Variants in USP24 observed in about 807,000 individuals in gnomAD.
USP24 encodes the protein ubiquitin carboxyl-terminal hydrolase 24.
Under a neutral mutation model 361.6 loss-of-function variants are expected in USP24, and 97 were observed. The observed-to-expected ratio is 0.27, with a 90% CI of 0.23 to 0.32. The LOEUF (loss-of-function observed/expected upper bound fraction) is 0.32, where lower values mean the gene tolerates loss of function less well. Ranked by LOEUF, USP24 falls within the 10% of genes least tolerant of loss-of-function variation. The pLI, the probability that USP24 is intolerant of heterozygous loss-of-function variation, is 1.00. For missense variants in USP24, 2,353 were observed against 3,165.6 expected (o/e 0.74, Z 6.16); for synonymous variants, 1,098 against 1,124.6 (o/e 0.98, Z 0.47).
intron 1 of USP24, among the ~76,000 whole-genome samples, chr1:55,178,660 A>G: frequency 6.6e-6 from 1 of 150,822 alleles, no homozygotes; most frequent in African/African-American, 2.4e-5. Context: ...TGGGCAACAG[A>G]GTGAGACTCC....
chr1:55,120,819 A>C (rs1341137645), intron 37 of USP24, 63 bp from the exon 38 acceptor site: 14 of 1,437,904 alleles, frequency 9.7e-6, no homozygotes, highest in Non-Finnish European at 1.2e-5. Flanking sequence ...CTGCTTAAAA[A>C]GTGATTTTCT....
At chr1:55,196,020 ATAC>A (rs1644408315) in intron 1 of USP24, among the ~76,000 whole-genome samples, 1 of 152,214 alleles carries the variant, frequency 6.6e-6, no homozygotes, top group Non-Finnish European at 1.5e-5. Flanking sequence ...AAATGAAATA[ATAC>A]TTAAGCTGAG....
At chr1:55,147,102 C>A in intron 18 of USP24, 42 bp from the exon 19 acceptor site, 1 of 1,493,348 alleles carries the variant, frequency 6.7e-7, no homozygotes, top group South Asian at 1.4e-5. Context: ...TCCAGGCATT[C>A]ATTCCTAAAA....
chr1:55,114,916 G>C (rs1001450453), intron 38 of USP24, among the ~76,000 whole-genome samples: 3 of 152,114 alleles, frequency 2.0e-5, no homozygotes, highest in South Asian at 4.1e-4. Context: ...AAATGAAAGA[G>C]CTTCTGCACA....
intron 7 of USP24, among the ~76,000 whole-genome samples, chr1:55,165,106 G>A (rs181041031): frequency 6.6e-6 from 1 of 152,148 alleles, no homozygotes; most frequent in East Asian, 1.9e-4. Context: ...TTCACCCATA[G>A]AGGGACCAAT....
intron 1 of USP24, among the ~76,000 whole-genome samples, chr1:55,192,017 G>A (rs1320753052): frequency 1.3e-5 from 2 of 152,110 alleles, no homozygotes; most frequent in Admixed American, 6.5e-5. Context: ...TTTGAAAAAC[G>A]CAAATGAACC....
At chr1:55,174,447 T>C (rs1649755902) in intron 3 of USP24, among the ~76,000 whole-genome samples, 1 of 152,234 alleles carries the variant, frequency 6.6e-6, no homozygotes, top group South Asian at 2.1e-4. Flanking sequence ...GAATTTAATA[T>C]TTTTACTTTA....
intron 56 of USP24, 149 bp from the exon 57 acceptor site, chr1:55,084,037 A>T: frequency 1.6e-6 from 1 of 645,086 alleles, no homozygotes; most frequent in Non-Finnish European, 2.7e-6. Flanking sequence ...TGCTTTGAAG[A>T]GCAAAAACAG....
chr1:55,075,390 T>G (rs1645004085), intron 63 of USP24, 67 bp downstream of exon 63: 1 of 1,450,624 alleles, frequency 6.9e-7, no homozygotes, highest in Non-Finnish European at 9.4e-7. Context: ...GAGGCAGAAC[T>G]GGCCAGAACA....
chr1:55,136,086 G>GA (rs1646726589), intron 28 of USP24, among the ~76,000 whole-genome samples: 4 of 151,954 alleles, frequency 2.6e-5, no homozygotes, highest in Admixed American at 2.0e-4. Context: ...GTATGCTAAA[G>GA]AAAAAATAAA....
At chr1:55,151,860 T>C (rs893123395) in intron 16 of USP24, 44 of 973,592 alleles carry the variant, frequency 4.5e-5, no homozygotes, top group Middle Eastern at 5.2e-4. Flanking sequence ...GTTGGGGGAA[T>C]AGAGGTAGCT....
intron 63 of USP24, 87 bp from the exon 64 acceptor site, chr1:55,073,993 T>A (rs1644970973): frequency 9.4e-7 from 1 of 1,067,858 alleles, no homozygotes; most frequent in Non-Finnish European, 1.4e-6. Flanking sequence ...GTTCTAAAAA[T>A]CGACAAACTA....
intron 60 of USP24, among the ~76,000 whole-genome samples, chr1:55,079,149 G>C (rs976968466): frequency 6.6e-6 from 1 of 152,184 alleles, no homozygotes; most frequent in Non-Finnish European, 1.5e-5. Context: ...CCATGATGGA[G>C]AGCTGAGAGC....
chr1:55,074,896 G>T (rs1175289550), intron 63 of USP24, among the ~76,000 whole-genome samples: 1 of 152,022 alleles, frequency 6.6e-6, no homozygotes, highest in Non-Finnish European at 1.5e-5. Flanking sequence ...CAGATTAAGT[G>T]GAAATACAGG....
At chr1:55,121,225 A>C (rs1646271382) in intron 37 of USP24, among the ~76,000 whole-genome samples, 1 of 152,224 alleles carries the variant, frequency 6.6e-6, no homozygotes, top group South Asian at 2.1e-4. Flanking sequence ...CATTAGTCTC[A>C]TAACTTTTGG....
At chr1:55,116,093 A>G (rs988333563) in intron 38 of USP24, among the ~76,000 whole-genome samples, 1 of 152,148 alleles carries the variant, frequency 6.6e-6, no homozygotes, top group Admixed American at 6.5e-5. Flanking sequence ...GATGCAGCAA[A>G]CCACTATGGC....
At chr1:55,194,178 A>G (rs1298898391) in intron 1 of USP24, among the ~76,000 whole-genome samples, 5 of 152,240 alleles carry the variant, frequency 3.3e-5, no homozygotes, top group African/African-American at 1.2e-4. Flanking sequence ...TTAAAGCTCT[A>G]GATAAACAGC....
intron 52 of USP24, among the ~76,000 whole-genome samples, 181 bp from the exon 53 acceptor site, chr1:55,093,097 A>C (rs1453635326): frequency 6.6e-6 from 1 of 152,212 alleles, no homozygotes; most frequent in African/African-American, 2.4e-5. Context: ...CCTTCCTTTG[A>C]CATATAAGAT....
intron 54 of USP24, among the ~76,000 whole-genome samples, chr1:55,090,803 G>C (rs1022029881): frequency 2.0e-5 from 3 of 152,238 alleles, no homozygotes; most frequent in Admixed American, 2.0e-4. Context: ...CCGATGACGA[G>C]GCCAGGCACA....
Sources: gnomAD v4.1 joint callset for allele counts (sites outside exome capture counted in the v4.1 genomes callset) on GRCh38, gnomAD v4.1.1 for gene constraint, MANE v1.5 for transcripts, NCBI Gene and HGNC (gene_info 2026-07-23, HGNC 2026-07-21) for gene names.